Variants in CLIP4 observed in about 807,000 individuals in gnomAD.
CLIP4 encodes the protein CAP-Gly domain containing linker protein family member 4, also known as CAP-Gly domain-containing linker protein 4.
A neutral mutation model predicts 73.1 loss-of-function variants in CLIP4; 47 were observed. The ratio of observed to expected loss-of-function variants is 0.64; its 90% confidence interval spans 0.51 to 0.82. The LOEUF (loss-of-function observed/expected upper bound fraction) is 0.82. Among genes scored for constraint, CLIP4 ranks in the 40% least tolerant of loss-of-function variants. The pLI is 0.00. For missense variants in CLIP4, 874 were observed against 852.9 expected, an observed-to-expected ratio of 1.02 and a Z score of -0.31; for synonymous variants, 306 against 295.4, an observed-to-expected ratio of 1.04 and a Z score of -0.37.
At chr2:29,163,327 G>T (rs1667407964) in intron 12 of CLIP4, among the ~76,000 whole-genome samples, 1 of 151,906 alleles carries the variant, frequency 6.6e-6, no homozygotes, top group Admixed American at 6.6e-5. Flanking sequence ...CACTCATCAT[G>T]ATGTCTAGTG....
At chr2:29,143,193 G>A (rs892499952) in intron 6 of CLIP4, among the ~76,000 whole-genome samples, 1 of 152,204 alleles carries the variant, frequency 6.6e-6, no homozygotes, top group Non-Finnish European at 1.5e-5. Flanking sequence ...TGCCTCTGCG[G>A]GCAGAATGCT....
chr2:29,120,498 T>C (rs1664181384), intron 1 of CLIP4, among the ~76,000 whole-genome samples: 1 of 152,178 alleles, frequency 6.6e-6, no homozygotes, highest in Non-Finnish European at 1.5e-5. Flanking sequence ...CTATTTTTAT[T>C]CTGTGCTTTC....
intron 1 of CLIP4, among the ~76,000 whole-genome samples, chr2:29,106,909 C>T (rs1013529657): frequency 6.6e-6 from 1 of 152,148 alleles, no homozygotes; most frequent in Non-Finnish European, 1.5e-5. Flanking sequence ...AATTAAAAAA[C>T]AATTCTCACT....
chr2:29,131,505 G>T, intron 3 of CLIP4, 108 bp downstream of exon 3: 1 of 1,167,494 alleles, frequency 8.6e-7, no homozygotes, highest in Non-Finnish European at 1.2e-6. Flanking sequence ...CCCTTTAAAA[G>T]TTCTGATATT....
intron 14 of CLIP4, among the ~76,000 whole-genome samples, chr2:29,171,349 G>C (rs1667986984): frequency 6.6e-6 from 1 of 151,860 alleles, no homozygotes; most frequent in Non-Finnish European, 1.5e-5. Context: ...TTAATTGTTT[G>C]GCATTAATGT....
Position 29,132,207 on chromosome 2 carries a change from T to G in CLIP4, c.329T>G (p.Leu110Arg). ...AGAGATGGATTGACAGATATGACTC[T>G]TTTACATTATACCTGCAAATCTGGA... is the stretch of plus-strand genomic sequence containing the variant. ...NDRDGLTDMTLLHYTCKSGAH... is the reference protein window; with the variant it reads ...NDRDGLTDMTRLHYTCKSGAH... Residue 110 changes from leucine (L) to arginine (R), a missense_variant, in exon 4 of 16, where the codon CTT becomes CGT. Transcript: ENST00000320081. 1 of 1,613,800 alleles carries G rather than the reference T, an allele frequency of 6.2e-7. No individual in the cohort carries two copies. The highest frequency in any genetic ancestry group is 8.5e-7 in the Non-Finnish European group (1 of 1,179,774).
chr2:29,124,028 GTTAAAT>G (rs1389618171), intron 2 of CLIP4, among the ~76,000 whole-genome samples: 2 of 152,044 alleles, frequency 1.3e-5, no homozygotes, highest in Admixed American at 6.5e-5. Context: ...TGAATTATCT[GTTAAAT>G]TTAAATAATA....
At chr2:29,158,602 T>G (rs1414458245) in intron 11 of CLIP4, among the ~76,000 whole-genome samples, 1 of 151,966 alleles carries the variant, frequency 6.6e-6, no homozygotes. Context: ...CTCTAGTGAG[T>G]AGATATTCCA....
At chr2:29,131,855 C>G (rs1424063597) in intron 3 of CLIP4, 1 of 359,266 alleles carries the variant, frequency 2.8e-6, no homozygotes, top group Non-Finnish European at 5.0e-6. Context: ...TTTCAAATAT[C>G]ATTACACGCA....
intron 1 of CLIP4, among the ~76,000 whole-genome samples, chr2:29,108,815 G>GA (rs1668305326): frequency 6.6e-6 from 1 of 152,064 alleles, no homozygotes; most frequent in Non-Finnish European, 1.5e-5. Flanking sequence ...TAACACTATT[G>GA]AAAATATAAT....
At chr2:29,099,586 A>G (rs1210667573) in intron 1 of CLIP4, among the ~76,000 whole-genome samples, 1 of 152,212 alleles carries the variant, frequency 6.6e-6, no homozygotes, top group Admixed American at 6.5e-5. Context: ...CCAATTCCAC[A>G]GTCTTGATGG....
At chr2:29,129,350 G>C (rs1022779141) in intron 2 of CLIP4, among the ~76,000 whole-genome samples, 3 of 152,016 alleles carry the variant, frequency 2.0e-5, no homozygotes, top group African/African-American at 7.2e-5. Flanking sequence ...ATTTGGATTA[G>C]TTCCTATTTT....
In CLIP4 at chr2:29,128,705, C is replaced by T. The variant is rs117264211; in HGVS notation, c.134-2553C>T. 7.8e-4 allele frequency among the ~76,000 whole-genome samples: 119 copies of T among 152,202 alleles called. No individual in the cohort carries two copies. In the East Asian group the frequency reaches 0.021, roughly 27 times the overall value. ...TGATAATAGATTCATTCAATTTTAG[C>T]CAGCTTAATCACACAAGATTCTCTC... On this transcript the variant is annotated intron_variant, in intron 2 of 15. Transcript: ENST00000320081.
intron 11 of CLIP4, 94 bp from the exon 12 acceptor site, chr2:29,160,239 G>A (rs1370697243): frequency 6.6e-7 from 1 of 1,514,264 alleles, no homozygotes; most frequent in Non-Finnish European, 9.1e-7. Flanking sequence ...TACCTAGTGT[G>A]ATTTTTTGGC....
chr2:29,139,626 T>C (rs1416118432), intron 6 of CLIP4, among the ~76,000 whole-genome samples: 2 of 152,140 alleles, frequency 1.3e-5, no homozygotes, highest in Non-Finnish European at 2.9e-5. Context: ...TTTTTCTGGA[T>C]GGTAGGTTTT....
chr2:29,110,887 C>A (rs1221395337), upstream of CLIP4, among the ~76,000 whole-genome samples: 3 of 152,120 alleles, frequency 2.0e-5, no homozygotes, highest in African/African-American at 7.2e-5. Context: ...CCAGGTTTTA[C>A]CATGTTGGCC....
chr2:29,121,635 G>C, intron 2 of CLIP4, 114 bp downstream of exon 2: 1 of 1,245,258 alleles, frequency 8.0e-7, no homozygotes, highest in Non-Finnish European at 1.1e-6. Flanking sequence ...TCATAAAATT[G>C]CTAAAGTTTT....
chr2:29,173,949 ATTCAATTTTATTTGAT>A (rs1668170678), intron 14 of CLIP4, among the ~76,000 whole-genome samples: 2 of 152,176 alleles, frequency 1.3e-5, no homozygotes, highest in East Asian at 1.9e-4. Context: ...TAAATGTGTA[ATTCAATTTTATTTGAT>A]TTTTAAGAAA....
intron 11 of CLIP4, among the ~76,000 whole-genome samples, chr2:29,157,991 T>A (rs1370578819): frequency 1.3e-5 from 2 of 152,236 alleles, no homozygotes; most frequent in East Asian, 1.9e-4. Context: ...CTATTAATAG[T>A]TCTTGTAGTG....
Sources: gnomAD v4.1 joint callset for allele counts (sites outside exome capture counted in the v4.1 genomes callset) on GRCh38, gnomAD v4.1.1 for gene constraint, MANE v1.5 for transcripts, NCBI Gene and HGNC (gene_info 2026-07-23, HGNC 2026-07-21) for gene names.